MELK: variants seen among roughly 807,000 people sequenced by gnomAD.
MELK encodes maternal embryonic leucine zipper kinase.
A neutral mutation model predicts 85.0 loss-of-function variants in MELK; 81 were observed. That is an observed-to-expected ratio of 0.95 (90% CI 0.80 to 1.15). The LOEUF (loss-of-function observed/expected upper bound fraction) is 1.15, where lower values mean the gene tolerates loss of function less well. Ranked by LOEUF, MELK falls within the 50% of genes most tolerant of loss-of-function variation. The pLI is 0.00. For synonymous variants in MELK, 252 were observed against 265.0 expected (o/e 0.95, Z 0.48); for missense variants, 754 against 777.5 (o/e 0.97, Z 0.36).
chr9:36,594,865 G>T, intron 5 of MELK, 94 bp downstream of exon 5: 1 of 1,379,730 alleles, frequency 7.2e-7, no homozygotes, highest in Non-Finnish European at 9.6e-7. Context: ...ATCTATCTTT[G>T]GTTTGCTTTT....
chr9:36,647,572 T>A (rs955895406), intron 11 of MELK, among the ~76,000 whole-genome samples: 1 of 151,344 alleles, frequency 6.6e-6, no homozygotes, highest in Non-Finnish European at 1.5e-5. Context: ...CCCTGCAACC[T>A]CCGCCTCCCG....
intron 4 of MELK, among the ~76,000 whole-genome samples, chr9:36,589,959 T>C (rs548236400): frequency 1.3e-5 from 2 of 149,360 alleles, no homozygotes; most frequent in South Asian, 4.3e-4. Context: ...TTTCGCTCTG[T>C]CGCTCAGGCT....
At chr9:36,661,862 G>A (rs980865404) in intron 13 of MELK, among the ~76,000 whole-genome samples, 8 of 151,308 alleles carry the variant, frequency 5.3e-5, no homozygotes, top group South Asian at 2.1e-4. Flanking sequence ...GCATGAACCC[G>A]GGAGGCGGAG....
At chr9:36,622,405 C>A (rs556224858) in intron 8 of MELK, among the ~76,000 whole-genome samples, 1 of 152,238 alleles carries the variant, frequency 6.6e-6, no homozygotes, top group Admixed American at 6.5e-5. Context: ...ATTGAAAAAC[C>A]CAGCAATATT....
chr9:36,619,158 C>A (rs1260095946), intron 8 of MELK, among the ~76,000 whole-genome samples: 4 of 152,056 alleles, frequency 2.6e-5, no homozygotes, highest in Non-Finnish European at 5.9e-5. Context: ...AGTGTTTCAC[C>A]ATGTTGGTCA....
At chr9:36,616,853 G>A (rs1286912947) in intron 8 of MELK, among the ~76,000 whole-genome samples, 2 of 137,296 alleles carry the variant, frequency 1.5e-5, no homozygotes, top group Admixed American at 7.5e-5. Context: ...TACACAGATG[G>A]TAGCATACCA....
chr9:36,594,188 A>T (rs182774902), intron 4 of MELK, among the ~76,000 whole-genome samples: 46 of 152,266 alleles, frequency 3.0e-4, no homozygotes, highest in Admixed American at 1.4e-3. Context: ...CCTCTGAGAT[A>T]CCTCTGTAGA....
At chr9:36,629,742 C>T (rs1408096188) in intron 8 of MELK, among the ~76,000 whole-genome samples, 1 of 151,596 alleles carries the variant, frequency 6.6e-6, no homozygotes, top group African/African-American at 2.4e-5. Flanking sequence ...TTGTTTTCTA[C>T]TGTTATGTTC....
chr9:36,617,669 T>A (rs1826982703), intron 8 of MELK, among the ~76,000 whole-genome samples: 2 of 152,244 alleles, frequency 1.3e-5, no homozygotes, highest in Non-Finnish European at 2.9e-5. Flanking sequence ...CTTTATTTTT[T>A]AAAATATCTG....
At chr9:36,630,230 T>C in intron 8 of MELK, 69 bp from the exon 9 acceptor site, 1 of 1,140,856 alleles carries the variant, frequency 8.8e-7, no homozygotes, top group Non-Finnish European at 1.3e-6. Flanking sequence ...ACCTCCAGCA[T>C]GTTATTACCT....
chr9:36,635,638 T>G (rs1829057601), intron 10 of MELK, among the ~76,000 whole-genome samples: 1 of 152,082 alleles, frequency 6.6e-6, no homozygotes, highest in South Asian at 2.1e-4. Context: ...ATAATATTAT[T>G]ATAAAAATAG....
chr9:36,645,039 C>T (rs143266346), intron 11 of MELK, among the ~76,000 whole-genome samples: 4 of 151,946 alleles, frequency 2.6e-5, no homozygotes, highest in African/African-American at 4.8e-5. Flanking sequence ...GAGTCCGAGG[C>T]GGGCGGATCA....
chr9:36,586,643 TTAG>T (rs1177007846), intron 3 of MELK, among the ~76,000 whole-genome samples: 1 of 152,192 alleles, frequency 6.6e-6, no homozygotes, highest in Non-Finnish European at 1.5e-5. Context: ...AGTTATAACT[TTAG>T]TATGACTTAC....
At chr9:36,667,525 G>A (rs1832496621) in intron 14 of MELK, among the ~76,000 whole-genome samples, 1 of 152,008 alleles carries the variant, frequency 6.6e-6, no homozygotes, top group Admixed American at 6.5e-5. Context: ...TTTACTTTTT[G>A]TGTAACTCTG....
chr9:36,580,868 A>G (rs1822166454), intron 1 of MELK, among the ~76,000 whole-genome samples: 1 of 151,774 alleles, frequency 6.6e-6, no homozygotes, highest in South Asian at 2.1e-4. Flanking sequence ...AGCTGGGATT[A>G]CAGGTGAATG....
chr9:36,594,496 A>G, intron 4 of MELK, 132 bp from the exon 5 acceptor site: 1 of 963,330 alleles, frequency 1.0e-6, no homozygotes, highest in Non-Finnish European at 1.5e-6. Flanking sequence ...TTTTGAATAT[A>G]CCTTACTCGG....
intron 17 of MELK, 74 bp downstream of exon 17, chr9:36,675,011 C>G (rs769720982): frequency 1.8e-6 from 2 of 1,099,972 alleles, no homozygotes; most frequent in African/African-American, 1.5e-5. Context: ...GTTGGTTGGG[C>G]GCGGTGGCTC....
intron 13 of MELK, among the ~76,000 whole-genome samples, chr9:36,662,943 T>C (rs1211065282): frequency 6.6e-6 from 1 of 152,208 alleles, no homozygotes; most frequent in East Asian, 1.9e-4. Context: ...ATCTGGTAAA[T>C]AGAGATGTGG....
chr9:36,617,195 A>G, intron 8 of MELK, among the ~76,000 whole-genome samples: 1 of 152,216 alleles, frequency 6.6e-6, no homozygotes, highest in Non-Finnish European at 1.5e-5. Flanking sequence ...CAACAGTAGC[A>G]TAATAATGCC....
Sources: gnomAD v4.1 joint callset for allele counts (sites outside exome capture counted in the v4.1 genomes callset) on GRCh38, gnomAD v4.1.1 for gene constraint, MANE v1.5 for transcripts, NCBI Gene and HGNC (gene_info 2026-07-23, HGNC 2026-07-21) for gene names.